The following BBS9 variants were observed in gnomAD, a reference collection of about 807,000 sequenced individuals.
BBS9 encodes Bardet-Biedl syndrome 9.
In BBS9, 89 loss-of-function variants were observed where a neutral mutation model predicts 117.7. The ratio of observed to expected loss-of-function variants is 0.76; its 90% CI spans 0.64 to 0.90. BBS9 has a LOEUF of 0.90. BBS9 is among the 40% of genes least tolerant of loss of function. BBS9 has a pLI of 0.00. For missense variants in BBS9, 982 were observed against 1,042.2 expected, an observed-to-expected ratio of 0.94 and a Z score of 0.80; for synonymous variants, 379 against 370.9, an observed-to-expected ratio of 1.02 and a Z score of -0.25.
At chr7:33,403,432 AT>A (rs1829308367) in intron 19 of BBS9, among the ~76,000 whole-genome samples, 1 of 150,002 alleles carries the variant, frequency 6.7e-6, no homozygotes, top group Non-Finnish European at 1.5e-5. Flanking sequence ...GTCATTTAGC[AT>A]TAGTTATGTC....
intron 5 of BBS9, among the ~76,000 whole-genome samples, chr7:33,241,693 C>G (rs1794549963): frequency 6.6e-6 from 1 of 151,898 alleles, no homozygotes; most frequent in South Asian, 2.1e-4. Context: ...TATTTAGTTA[C>G]AAATTCTTAT....
chr7:33,339,768 T>C (rs147401614), intron 10 of BBS9, among the ~76,000 whole-genome samples: 66 of 152,180 alleles, frequency 4.3e-4, no homozygotes, highest in Non-Finnish European at 8.8e-5. Context: ...TTACCTTCCA[T>C]CTGCCAGGAT....
chr7:33,575,498 A>G (rs554736954), intron 21 of BBS9, among the ~76,000 whole-genome samples: 4 of 152,298 alleles, frequency 2.6e-5, no homozygotes, highest in South Asian at 4.1e-4. Flanking sequence ...AGCTGTTACC[A>G]TTCCTTCTGA....
chr7:33,139,975 C>T (rs1791181735), intron 1 of BBS9, among the ~76,000 whole-genome samples: 1 of 151,836 alleles, frequency 6.6e-6, no homozygotes, highest in African/African-American at 2.4e-5. Context: ...TCACTTCTGG[C>T]TTTGTTTTGA....
At chr7:33,466,061 G>T (rs950932527) in intron 19 of BBS9, among the ~76,000 whole-genome samples, 2 of 151,648 alleles carry the variant, frequency 1.3e-5, no homozygotes, top group African/African-American at 4.9e-5. Context: ...TTTTTTGAGA[G>T]AGAGATATAT....
At chr7:33,304,361 T>C in intron 9 of BBS9, among the ~76,000 whole-genome samples, 2 of 128,710 alleles carry the variant, frequency 1.6e-5, no homozygotes, top group South Asian at 2.4e-4. Context: ...GTCTGGGAGG[T>C]GAGGAGCACC....
intron 6 of BBS9, among the ~76,000 whole-genome samples, chr7:33,259,006 G>A (rs760128213): frequency 6.6e-6 from 1 of 152,096 alleles, no homozygotes; most frequent in Non-Finnish European, 1.5e-5. Context: ...CATGAGATAC[G>A]AGATTATTGT....
At chr7:33,518,174 T>C (rs1334661308) in intron 20 of BBS9, among the ~76,000 whole-genome samples, 1 of 151,936 alleles carries the variant, frequency 6.6e-6, no homozygotes, top group Non-Finnish European at 1.5e-5. Context: ...AAACAAATAA[T>C]TACTAAAGCA....
At chr7:33,276,649 G>C (rs764493947) in intron 9 of BBS9, among the ~76,000 whole-genome samples, 3 of 151,876 alleles carry the variant, frequency 2.0e-5, no homozygotes, top group Non-Finnish European at 4.4e-5. Flanking sequence ...GGCAAAAAAA[G>C]AAAAAAGAAA....
chr7:33,142,997 T>C (rs922450850), intron 1 of BBS9, among the ~76,000 whole-genome samples: 2 of 150,874 alleles, frequency 1.3e-5, no homozygotes, highest in African/African-American at 2.4e-5. Context: ...TGAGATGGAG[T>C]CTCGCTCTGT....
chr7:33,327,268 G>T (rs768438900), intron 9 of BBS9, among the ~76,000 whole-genome samples: 6 of 152,154 alleles, frequency 3.9e-5, no homozygotes, highest in Non-Finnish European at 7.3e-5. Context: ...TTGAGCTTTT[G>T]TTATGAGTGC....
intron 9 of BBS9, among the ~76,000 whole-genome samples, chr7:33,286,903 T>G (rs1803009906): frequency 6.6e-6 from 1 of 152,152 alleles, no homozygotes; most frequent in Non-Finnish European, 1.5e-5. Context: ...AGTTTATATT[T>G]TCTTAGTTGC....
intron 17 of BBS9, among the ~76,000 whole-genome samples, chr7:33,374,653 G>A (rs1823483381): frequency 6.6e-6 from 1 of 152,134 alleles, no homozygotes; most frequent in South Asian, 2.1e-4. Context: ...TGTAATCCCA[G>A]GACTTTGGGA....
chr7:33,165,755 TA>T (rs1795581378), intron 4 of BBS9, among the ~76,000 whole-genome samples: 2 of 152,318 alleles, frequency 1.3e-5, no homozygotes, highest in African/African-American at 4.8e-5. Flanking sequence ...TCAAGGTTTT[TA>T]GCTTCGTTGT....
chr7:33,615,288 G>T (rs76428203), intron 21 of BBS9, among the ~76,000 whole-genome samples: 1 of 152,034 alleles, frequency 6.6e-6, no homozygotes, highest in Non-Finnish European at 1.5e-5. Context: ...TGGCATGATT[G>T]TTAGAATTGT....
chr7:33,631,879 G>GA (rs1865907068), intron 21 of BBS9, among the ~76,000 whole-genome samples: 1 of 152,198 alleles, frequency 6.6e-6, no homozygotes, highest in African/African-American at 2.4e-5. Flanking sequence ...AGAGCCTGGA[G>GA]AGGGAGGCTG....
chr7:33,542,058 G>T (rs1375002226), intron 21 of BBS9, among the ~76,000 whole-genome samples: 1 of 151,634 alleles, frequency 6.6e-6, no homozygotes, highest in Non-Finnish European at 1.5e-5. Flanking sequence ...AAGTTATTGG[G>T]GTACAGGTGG....
chr7:33,551,960 T>C (rs1198439369), intron 21 of BBS9, among the ~76,000 whole-genome samples: 1 of 152,128 alleles, frequency 6.6e-6, no homozygotes, highest in African/African-American at 2.4e-5. Flanking sequence ...AGTAATATTA[T>C]TGGAGTACCA....
intron 19 of BBS9, among the ~76,000 whole-genome samples, chr7:33,446,030 A>G (rs1367464246): frequency 1.3e-5 from 2 of 152,198 alleles, no homozygotes; most frequent in Non-Finnish European, 1.5e-5. Context: ...TAGATTTTTG[A>G]AGCAGAAAAT....
Sources: allele counts gnomAD v4.1 joint callset (sites outside exome capture counted in the v4.1 genomes callset), GRCh38; gene constraint gnomAD v4.1.1; transcripts MANE v1.5; gene names NCBI Gene and HGNC (gene_info 2026-07-23, HGNC 2026-07-21).